Variants in SRGAP1 observed in about 807,000 individuals in gnomAD.
SRGAP1 encodes the protein SLIT-ROBO Rho GTPase-activating protein 1.
In SRGAP1, 43 loss-of-function variants were observed where a neutral mutation model predicts 121.9. The ratio of observed to expected loss-of-function variants is 0.35; its 90% confidence interval spans 0.28 to 0.46. The LOEUF is 0.46. Ranked by LOEUF, SRGAP1 falls within the 20% of genes least tolerant of loss-of-function variation. SRGAP1 has a pLI of 1.00. For synonymous variants in SRGAP1, 447 were observed against 485.4 expected, an observed-to-expected ratio of 0.92 and a Z score of 1.04; for missense variants, 1,102 against 1,350.9, an observed-to-expected ratio of 0.82 and a Z score of 2.89.
chr12:63,912,706 A>AT (rs2030558413), intron 1 of SRGAP1, among the ~76,000 whole-genome samples: 1 of 152,222 alleles, frequency 6.6e-6, no homozygotes, highest in East Asian at 1.9e-4. Context: ...TGAAAACAAA[A>AT]TTTTTTTAAA....
intron 1 of SRGAP1, among the ~76,000 whole-genome samples, chr12:63,981,104 T>G (rs1245504424): frequency 6.6e-6 from 1 of 152,192 alleles, no homozygotes; most frequent in African/African-American, 2.4e-5. Context: ...CTGAGTGCCT[T>G]ATTTTGATTG....
At chr12:63,857,433 G>A (rs923974272) in intron 1 of SRGAP1, among the ~76,000 whole-genome samples, 4 of 150,732 alleles carry the variant, frequency 2.7e-5, no homozygotes, top group Non-Finnish European at 5.9e-5. Context: ...CCAGGCTGGA[G>A]TGCAGTGGCA....
intron 19 of SRGAP1, 141 bp downstream of exon 19, chr12:64,126,298 C>T (rs1592345742): frequency 1.1e-6 from 1 of 885,616 alleles, no homozygotes; most frequent in Non-Finnish European, 1.6e-6. Flanking sequence ...AGTTCCTTAC[C>T]TTGCCAGTGG....
At chr12:63,923,736 C>T (rs2031154227) in intron 1 of SRGAP1, among the ~76,000 whole-genome samples, 1 of 152,218 alleles carries the variant, frequency 6.6e-6, no homozygotes, top group African/African-American at 2.4e-5. Context: ...GAGGAAGTCA[C>T]TTGAGTAAAG....
chr12:63,924,191 G>A (rs2031174282), intron 1 of SRGAP1, among the ~76,000 whole-genome samples: 1 of 152,110 alleles, frequency 6.6e-6, no homozygotes, highest in African/African-American at 2.4e-5. Context: ...AAAAGAGTAT[G>A]AACTCTATAA....
intron 1 of SRGAP1, among the ~76,000 whole-genome samples, chr12:63,922,473 T>C (rs2031098280): frequency 6.6e-6 from 1 of 152,218 alleles, no homozygotes; most frequent in African/African-American, 2.4e-5. Flanking sequence ...AGTTTCTCTT[T>C]ACTTAGCATG....
At chr12:64,133,649 G>A (rs913678904) in intron 21 of SRGAP1, among the ~76,000 whole-genome samples, 9 of 152,154 alleles carry the variant, frequency 5.9e-5, no homozygotes, top group African/African-American at 1.2e-4. Context: ...GTAATATAGC[G>A]GGGTCCTTCC....
At chr12:63,938,854 T>G (rs545409493) in intron 1 of SRGAP1, among the ~76,000 whole-genome samples, 52 of 152,010 alleles carry the variant, frequency 3.4e-4, no homozygotes, top group African/African-American at 1.2e-3. Context: ...GTGATATACT[T>G]TTTTGATATG....
At chr12:64,060,431 C>A (rs771344137) in intron 6 of SRGAP1, among the ~76,000 whole-genome samples, 12 of 152,092 alleles carry the variant, frequency 7.9e-5, no homozygotes, top group Admixed American at 3.3e-4. Context: ...TGGTCTTGAA[C>A]CCCTGGGCTC....
At chr12:64,128,244 G>A (rs773755074) in intron 21 of SRGAP1, 44 bp downstream of exon 21, 1 of 1,514,076 alleles carries the variant, frequency 6.6e-7, no homozygotes, top group Non-Finnish European at 9.0e-7. Context: ...GTACCTAAGT[G>A]TGATGTAGGA....
At chr12:64,111,636 G>T in intron 16 of SRGAP1, 126 bp from the exon 17 acceptor site, 2 of 741,682 alleles carry the variant, frequency 2.7e-6, no homozygotes, top group Non-Finnish European at 4.2e-6. Flanking sequence ...CACTTTCTTT[G>T]GAGTTTGCTG....
intron 1 of SRGAP1, among the ~76,000 whole-genome samples, chr12:63,927,777 A>C (rs1374202344): frequency 1.3e-5 from 2 of 151,890 alleles, no homozygotes; most frequent in Non-Finnish European, 2.9e-5. Context: ...TTGGTAATAT[A>C]CCATAATGTT....
intron 10 of SRGAP1, among the ~76,000 whole-genome samples, chr12:64,086,740 AAAC>A (rs1232409684): frequency 1.6e-4 from 24 of 149,742 alleles, no homozygotes; most frequent in Non-Finnish European, 2.4e-4. Context: ...AAAAAAAAAA[AAAC>A]ACAGCCTCAA....
chr12:63,892,981 C>T (rs891831635), intron 1 of SRGAP1, among the ~76,000 whole-genome samples: 1 of 152,076 alleles, frequency 6.6e-6, no homozygotes, highest in Non-Finnish European at 1.5e-5. Flanking sequence ...CCTCTGAGCT[C>T]GGCTGTTCAG....
chr12:64,015,736 C>T (rs2034385187), intron 3 of SRGAP1, among the ~76,000 whole-genome samples: 1 of 152,118 alleles, frequency 6.6e-6, no homozygotes, highest in South Asian at 2.1e-4. Context: ...ACACAGGACA[C>T]CGAGGGGTTG....
Position 64,147,541 on chromosome 12 carries a change from CCT to C in SRGAP1, c.*4870_*4871del, listed in dbSNP as rs1403172716. 67 of 398,994 alleles carry C rather than the reference CCT, an allele frequency of 1.7e-4. No homozygotes were observed. Among genetic ancestry groups the C allele is most frequent in the Non-Finnish European group, 1.8e-4 (41 of 226,358 alleles). 24.7% of individuals were successfully genotyped at this position (398,994 alleles called of 1,614,324 possible). On this transcript the variant is annotated 3_prime_UTR_variant, in exon 22 of 22. Transcript: ENST00000355086. Reference sequence around the variant, plus strand: ...TAGACGTGATTGTGCCTTTCTCACCCCTGTGTCCTCCCATCCCACCGCATCAG... The same window carrying C: ...TAGACGTGATTGTGCCTTTCTCACCCGTGTCCTCCCATCCCACCGCATCAG...
intron 1 of SRGAP1, among the ~76,000 whole-genome samples, chr12:63,883,124 C>T (rs557568977): frequency 2.6e-3 from 396 of 152,368 alleles, no homozygotes; most frequent in African/African-American, 9.1e-3. Context: ...CTCAGGCCCA[C>T]AGGGACTTTT....
intron 1 of SRGAP1, among the ~76,000 whole-genome samples, chr12:63,918,973 C>CA (rs1235623354): frequency 9.9e-5 from 15 of 151,136 alleles, no homozygotes; most frequent in Non-Finnish European, 8.8e-5. Flanking sequence ...GCTATAAAGA[C>CA]AAATGAAGTT....
intron 16 of SRGAP1, 157 bp downstream of exon 16, chr12:64,109,194 G>A (rs182079969): frequency 8.9e-4 from 376 of 421,970 alleles, no homozygotes; most frequent in Admixed American, 1.4e-3. Flanking sequence ...TTTTTCCTCA[G>A]CAGATCAACA....
Sources: allele counts gnomAD v4.1 joint callset (sites outside exome capture counted in the v4.1 genomes callset), GRCh38; gene constraint gnomAD v4.1.1; transcripts MANE v1.5; gene names NCBI Gene and HGNC (gene_info 2026-07-23, HGNC 2026-07-21).